The following XKR4 variants were observed in gnomAD, a reference collection of about 807,000 sequenced individuals.
XKR4 encodes the protein XK related 4, also known as XK-related protein 4.
A neutral mutation model predicts 53.9 loss-of-function variants in XKR4; 12 were observed. The observed-to-expected ratio is 0.22, with a 90% CI of 0.14 to 0.36. The LOEUF (loss-of-function observed/expected upper bound fraction) is 0.36, where lower values mean the gene tolerates loss of function less well. Among genes scored for constraint, XKR4 ranks in the 10% least tolerant of loss-of-function variants. The pLI, the probability that XKR4 is intolerant of heterozygous loss-of-function variation, is 1.00. For synonymous variants in XKR4, 354 were observed against 362.4 expected, an observed-to-expected ratio of 0.98 and a Z score of 0.26; for missense variants, 799 against 859.5, an observed-to-expected ratio of 0.93 and a Z score of 0.88.
intron 1 of XKR4, among the ~76,000 whole-genome samples, chr8:55,171,994 A>C (rs936219422): frequency 6.6e-6 from 1 of 152,072 alleles, no homozygotes; most frequent in African/African-American, 2.4e-5. Flanking sequence ...CAGGCAGATC[A>C]CTTAAGGTCA....
chr8:55,428,940 G>A (rs1805057696), intron 2 of XKR4, among the ~76,000 whole-genome samples: 1 of 152,080 alleles, frequency 6.6e-6, no homozygotes, highest in Admixed American at 6.6e-5. Flanking sequence ...ACATTTACAT[G>A]GAAAAGCAAG....
At chr8:55,287,907 G>C (rs1013279315) in intron 1 of XKR4, among the ~76,000 whole-genome samples, 1 of 152,204 alleles carries the variant, frequency 6.6e-6, no homozygotes, top group Admixed American at 6.5e-5. Context: ...CTGACTATTA[G>C]AACCTGACAG....
intron 2 of XKR4, among the ~76,000 whole-genome samples, chr8:55,478,808 A>T (rs1240882686): frequency 3.9e-5 from 6 of 152,154 alleles, no homozygotes; most frequent in Admixed American, 2.6e-4. Flanking sequence ...AAAGAAGGCC[A>T]TTACATAATG....
chr8:55,263,290 C>T lies in XKR4; in HGVS notation c.807-94388C>T, dbSNP rs146189725. Among the ~76,000 whole-genome samples the T allele has an allele frequency of 3.9e-3, 592 of 152,306 alleles. 6 individuals are homozygous for T. Among genetic ancestry groups the T allele is most frequent in the African/African-American group, 0.013 (558 of 41,544 alleles). On this transcript the variant is annotated intron_variant, in intron 1 of 2. Coordinates refer to ENST00000327381, the MANE Select transcript of XKR4 (RefSeq NM_052898.2). ...AGGAGAACGTATGGATGTGTGACAC[C>T]ACCGTGGCCGTTGTTGCCATCACAA... is the stretch of plus-strand genomic sequence containing the variant.
Position 55,287,396 on chromosome 8 carries a change from A to G in XKR4, c.807-70282A>G, listed in dbSNP as rs942656426. ...CACATTTGCATATTAGAGGCTTCAC[A>G]TGTGTCTATTAACACTATGACTGAC... On this transcript the variant is annotated intron_variant, in intron 1 of 2. Coordinates refer to ENST00000327381, the MANE Select transcript of XKR4 (RefSeq NM_052898.2). Among the ~76,000 whole-genome samples the G allele has an allele frequency of 2.6e-5, 4 of 152,218 alleles. No individual in the cohort carries two copies. The East Asian group carries it at 5.8e-4, about 22-fold the overall frequency.
intron 1 of XKR4, among the ~76,000 whole-genome samples, chr8:55,287,999 G>A (rs575881511): frequency 6.6e-6 from 1 of 152,266 alleles, no homozygotes; most frequent in South Asian, 2.1e-4. Context: ...CCCATGGCCT[G>A]ACACAAATTT....
chr8:55,163,488 C>T (rs538105335), intron 1 of XKR4, among the ~76,000 whole-genome samples: 1 of 152,254 alleles, frequency 6.6e-6, no homozygotes, highest in East Asian at 1.9e-4. Flanking sequence ...TTCCTGTGGA[C>T]TCTGTGTTTT....
Position 55,102,661 on chromosome 8 carries a change from G to A in XKR4, c.173G>A (p.Gly58Asp). Reference sequence around the variant, plus strand: ...GCCGGGGGCGGCTGCTGCCCGGACGGCGGCGGCTGCTCGCGCTGCTGCTGC... The same window carrying A: ...GCCGGGGGCGGCTGCTGCCCGGACGACGGCGGCTGCTCGCGCTGCTGCTGC... ...EAAGGGCCPD[G>D]GGCSRCCCCC... is the part of the protein sequence containing the mutation. Residue 58 changes from glycine (G) to aspartate (D), a missense_variant, in exon 1 of 3, where the codon GGC becomes GAC. Physicochemically the swap from Gly to Asp is moderately conservative, Grantham distance 94 (BLOSUM62 -1). This residue lies in a region of XKR4 where 476 missense variants were observed against 505.4 expected (regional missense o/e 0.94). Coordinates refer to ENST00000327381, the MANE Select transcript of XKR4 (RefSeq NM_052898.2). The surrounding 1 kb of genome is among the most constrained non-coding windows in gnomAD (Gnocchi z 5.1). 7.9e-7 allele frequency: 1 copy of A among 1,264,944 alleles called. No individual in the cohort carries two copies. Among genetic ancestry groups the A allele is most frequent in the Non-Finnish European group, 1.0e-6 (1 of 995,958 alleles). 78.4% of individuals were successfully genotyped at this position (1,264,944 alleles called of 1,614,324 possible). A position where few individuals can be genotyped will look rare whatever the true frequency, so the allele number is the denominator to read the frequency against.
chr8:55,295,815 T>TG (rs11393498), intron 1 of XKR4, among the ~76,000 whole-genome samples: 17,465 of 152,160 alleles, frequency 0.11, 1,955 homozygotes, highest in African/African-American at 0.29. Context: ...AGCTTATAAA[T>TG]GGGGGGTAGA....
intron 1 of XKR4, among the ~76,000 whole-genome samples, chr8:55,257,195 T>C (rs376826058): frequency 6.6e-6 from 1 of 152,180 alleles, no homozygotes; most frequent in East Asian, 1.9e-4. Context: ...CAGGAGCAGA[T>C]TAAAGCCCAT....
rs779488123 is a variant in XKR4 at position 55,102,494 on chromosome 8, C to T, written c.6C>T (p.Ala2=). M[A]AKSDGRLKMK... Reference sequence around the variant, plus strand: ...TCCTCCGGTGTGGAGGCATCATGGCCGCTAAATCAGACGGGAGGCTGAAAA... The same window carrying T: ...TCCTCCGGTGTGGAGGCATCATGGCTGCTAAATCAGACGGGAGGCTGAAAA... Residue 2 remains alanine, a synonymous_variant, in exon 1 of 3, where the codon GCC becomes GCT. Coordinates refer to ENST00000327381, the MANE Select transcript of XKR4 (RefSeq NM_052898.2). The surrounding 1 kb of genome is among the most constrained non-coding windows in gnomAD (Gnocchi z 5.1). The T allele has an allele frequency of 1.3e-6, 2 of 1,548,860 alleles. No homozygotes were observed. Among genetic ancestry groups the T allele is most frequent in the Admixed American group, 3.6e-5 (2 of 55,850 alleles).
At chr8:55,376,380 A>T (rs1192552695) in intron 2 of XKR4, among the ~76,000 whole-genome samples, 1 of 152,128 alleles carries the variant, frequency 6.6e-6, no homozygotes, top group African/African-American at 2.4e-5. Flanking sequence ...CTGCAACCTC[A>T]CCAGTATCTG....
chr8:55,540,395 A>T lies in XKR4; in HGVS notation c.*16168A>T, dbSNP rs2129407741. 1 of 152,316 alleles carries T rather than the reference A, an allele frequency of 6.6e-6. No homozygotes were observed. The allele number at this position is 152,316 out of a possible 1,614,324, so 9.4% of individuals were successfully genotyped here. ...TTATTATCATCACAAAATTCCTTTT[A>T]TATCTAGATGGTATCAAATAAGAAA... On this transcript the variant is annotated 3_prime_UTR_variant, in exon 3 of 3. Transcript: ENST00000327381.
intron 2 of XKR4, among the ~76,000 whole-genome samples, chr8:55,388,370 A>G (rs951202021): frequency 1.3e-5 from 2 of 152,230 alleles, no homozygotes; most frequent in Non-Finnish European, 2.9e-5. Context: ...TTAAATTTTT[A>G]CTATTGACAG....
intron 1 of XKR4, among the ~76,000 whole-genome samples, chr8:55,166,368 G>A (rs541648329): frequency 6.6e-6 from 1 of 152,318 alleles, no homozygotes; most frequent in Admixed American, 6.5e-5. Context: ...AAGGGGAACA[G>A]TCATCTCTGC....
rs548596600 is a variant in XKR4 at position 55,255,999 on chromosome 8, G to A, written c.807-101679G>A. ...ATGATAGAGGTGTGTCTAGGATGCC[G>A]GGGTGCGTCAAGCCCTGGAGTAGAA... On this transcript the variant is annotated intron_variant, in intron 1 of 2. Coordinates refer to ENST00000327381, the MANE Select transcript of XKR4 (RefSeq NM_052898.2). Among the ~76,000 whole-genome samples, 112 of 151,498 alleles carry A rather than the reference G, an allele frequency of 7.4e-4. 1 individual carries two copies. The highest frequency in any genetic ancestry group is 1.1e-3 in the Admixed American group (16 of 15,154).
intron 1 of XKR4, among the ~76,000 whole-genome samples, chr8:55,322,689 T>A (rs1803232607): frequency 6.6e-6 from 1 of 152,228 alleles, no homozygotes; most frequent in Non-Finnish European, 1.5e-5. Flanking sequence ...TATAGAGTAG[T>A]ATCTCATTAA....
At chr8:55,368,338 T>C (rs1804023681) in intron 2 of XKR4, among the ~76,000 whole-genome samples, 1 of 152,182 alleles carries the variant, frequency 6.6e-6, no homozygotes, top group South Asian at 2.1e-4. Context: ...TACAAACTGG[T>C]GACAGGCATG....
chr8:55,396,381 GTGT>G (rs1487811542), intron 2 of XKR4, among the ~76,000 whole-genome samples: 1 of 48,176 alleles, frequency 2.1e-5, no homozygotes, highest in Admixed American at 2.0e-4. Flanking sequence ...AGGTTTTTTT[GTGT>G]TTTTTTTTTG....
Sources: allele counts gnomAD v4.1 joint callset (sites outside exome capture counted in the v4.1 genomes callset), GRCh38; gene constraint gnomAD v4.1.1; regional missense constraint gnomAD v4.1.1; non-coding constraint Gnocchi (gnomAD v3.1); transcripts MANE v1.5; gene names NCBI Gene and HGNC (gene_info 2026-07-23, HGNC 2026-07-21).